NRG1: variants seen among roughly 807,000 people sequenced by gnomAD.
The protein encoded by NRG1 is pro-neuregulin-1, membrane-bound isoform.
Under a neutral mutation model 63.8 loss-of-function variants are expected in NRG1, and 18 were observed. The observed-to-expected ratio is 0.28, with a 90% CI of 0.19 to 0.42. The LOEUF is 0.42. Ranked by LOEUF, NRG1 falls within the 10% of genes least tolerant of loss-of-function variation. The probability of loss-of-function intolerance (pLI) is 1.00; values close to 1 mark genes in which losing one functional copy is unlikely to be tolerated. For missense variants in NRG1, 762 were observed against 814.7 expected (o/e 0.94, Z 0.79); for synonymous variants, 302 against 301.3 (o/e 1.00, Z -0.02).
At chr8:31,829,056 G>A (rs1000197535) in intron 1 of NRG1, among the ~76,000 whole-genome samples, 1 of 152,198 alleles carries the variant, frequency 6.6e-6, no homozygotes, top group African/African-American at 2.4e-5. Flanking sequence ...CTAGTCTCAT[G>A]CTTTCCACGT....
intron 1 of NRG1, among the ~76,000 whole-genome samples, chr8:32,028,472 G>A (rs1431663025): frequency 1.3e-5 from 2 of 152,078 alleles, no homozygotes; most frequent in Non-Finnish European, 2.9e-5. Context: ...ATTTGATTTT[G>A]GACTTAGTTT....
chr8:32,491,208 T>C (rs906327617), intron 1 of NRG1, among the ~76,000 whole-genome samples: 13 of 152,176 alleles, frequency 8.5e-5, no homozygotes, highest in African/African-American at 3.1e-4. Flanking sequence ...AGCACAATTA[T>C]TGTGGCTACT....
intron 1 of NRG1, among the ~76,000 whole-genome samples, chr8:31,931,609 CT>C (rs1329463854): frequency 6.6e-6 from 1 of 152,124 alleles, no homozygotes; most frequent in African/African-American, 2.4e-5. Context: ...TAATTATTGT[CT>C]GAAAAAATAA....
At position 32,134,993 on chromosome 8, in the gene NRG1, CAGAA is replaced by C. The variant is rs370629017; in HGVS notation, c.38-460829_38-460826del. 3.0e-3 allele frequency among the ~76,000 whole-genome samples: 463 copies of C among 152,246 alleles called. 3 individuals are homozygous for C. The highest frequency in any genetic ancestry group is 0.011 in the African/African-American group (450 of 41,546). ...AACACTTAAAGTGAGATCTGAATGA[CAGAA>C]AGAAAAGCCATGCAAAAATCAAGGA... On this transcript the variant is annotated intron_variant, in intron 1 of 10. Transcript: ENST00000519301.
At chr8:32,587,910 TTTTTGTTTTG>T (rs199766055) in intron 1 of NRG1, among the ~76,000 whole-genome samples, 14 of 135,732 alleles carry the variant, frequency 1.0e-4, no homozygotes, top group East Asian at 4.2e-4. Flanking sequence ...CATGTGGGTT[TTTTTGTTTTG>T]TTTTGTTTTG....
chr8:31,968,794 T>G (rs922795196), intron 1 of NRG1, among the ~76,000 whole-genome samples: 1 of 152,162 alleles, frequency 6.6e-6, no homozygotes, highest in African/African-American at 2.4e-5. Context: ...GATATGCCAC[T>G]TCTGCAACCA....
rs532241748 is a variant in NRG1, at chr8:32,306,739, C to T, written c.38-289089C>T. Among the ~76,000 whole-genome samples, 75 of 152,214 alleles carry T rather than the reference C, an allele frequency of 4.9e-4. No homozygotes were observed. In the South Asian group the frequency reaches 0.013, roughly 26 times the overall value. On this transcript the variant is annotated intron_variant, in intron 1 of 10. Transcript: ENST00000519301. ...GGAGAAAGGAGGAGAAAGGTTGCTC[C>T]GAATTTTGTGATCTTGTTCATTTTC...
rs1239924864 is a variant in NRG1, at chr8:32,026,922, C to A, written c.37+387491C>A. On this transcript the variant is annotated intron_variant, in intron 1 of 10. Coordinates refer to the NRG1 transcript ENST00000519301. The stretch of plus-strand genomic sequence containing the variant: ...ATCTCCTTATCTGTTCATCTTCCTT[C>A]ACTATAATTATCTTAATCCCCATTT... 3.3e-5 allele frequency among the ~76,000 whole-genome samples: 5 copies of A among 152,066 alleles called. No homozygotes were observed. In the South Asian group the frequency reaches 1.0e-3, roughly 31 times the overall value.
intron 5 of NRG1, among the ~76,000 whole-genome samples, chr8:32,706,034 CT>C (rs1264284046): frequency 6.6e-6 from 1 of 152,134 alleles, no homozygotes; most frequent in African/African-American, 2.4e-5. Flanking sequence ...GGATATTAAT[CT>C]ACTTAAGAGG....
In NRG1 at chr8:32,091,726, G is replaced by A. The variant is rs375441398; in HGVS notation, c.37+452295G>A. On this transcript the variant is annotated intron_variant, in intron 1 of 10. Transcript: ENST00000519301. ...GAGGATGGAAACGAAGAGCCAAAGG[G>A]GAGAAGGGACAGGAAGTACTGAGAT... Among the ~76,000 whole-genome samples, 16 of 152,238 alleles carry A rather than the reference G, an allele frequency of 1.1e-4. No individual in the cohort carries two copies. The East Asian group carries it at 1.4e-3, about 13-fold the overall frequency.
At chr8:32,027,786 G>T (rs1193846705) in intron 1 of NRG1, among the ~76,000 whole-genome samples, 2 of 151,948 alleles carry the variant, frequency 1.3e-5, no homozygotes, top group African/African-American at 2.4e-5. Context: ...ATGGGAGAGG[G>T]GTTTTTGTCC....
intron 1 of NRG1, among the ~76,000 whole-genome samples, chr8:32,003,809 A>G (rs749732986): frequency 3.3e-5 from 5 of 151,896 alleles, no homozygotes; most frequent in Non-Finnish European, 5.9e-5. Context: ...CAAAACATTC[A>G]AGGAGGGAAA....
intron 1 of NRG1, among the ~76,000 whole-genome samples, chr8:32,581,898 A>C (rs58937999): frequency 0.26 from 38,992 of 151,918 alleles, 5,133 homozygotes; most frequent in South Asian, 0.33. Flanking sequence ...ACTTGGATTG[A>C]ACCATCTTAC....
intron 5 of NRG1, among the ~76,000 whole-genome samples, chr8:32,706,333 T>G (rs1288039570): frequency 6.6e-6 from 1 of 152,200 alleles, no homozygotes; most frequent in Non-Finnish European, 1.5e-5. Context: ...TCATTTATTT[T>G]TCTACTGCTA....
intron 1 of NRG1, among the ~76,000 whole-genome samples, chr8:31,750,080 C>G (rs1816299668): frequency 6.6e-6 from 1 of 151,804 alleles, no homozygotes; most frequent in South Asian, 2.1e-4. Flanking sequence ...AACCTACAGC[C>G]ACAGTAGAAG....
intron 1 of NRG1, among the ~76,000 whole-genome samples, chr8:31,701,609 G>A (rs181433311): frequency 8.3e-4 from 127 of 152,218 alleles, no homozygotes; most frequent in African/African-American, 2.4e-3. Context: ...AAAGAAAGGC[G>A]AGAATGATTC....
At chr8:32,446,567 A>C (rs1173427622) in intron 1 of NRG1, among the ~76,000 whole-genome samples, 1 of 152,012 alleles carries the variant, frequency 6.6e-6, no homozygotes, top group Non-Finnish European at 1.5e-5. Context: ...AGGCACAATA[A>C]TTGCTTGAAC....
chr8:31,700,449 G>A (rs1186596456), intron 1 of NRG1, among the ~76,000 whole-genome samples: 1 of 152,120 alleles, frequency 6.6e-6, no homozygotes, highest in Non-Finnish European at 1.5e-5. Flanking sequence ...TACAGCTCCC[G>A]ATCTCATCCA....
exon 11 of NRG1, chr8:32,760,274 G>A: frequency 6.2e-7 from 1 of 1,614,094 alleles, no homozygotes; most frequent in Non-Finnish European, 8.5e-7. Flanking sequence ...GTAGAAAACA[G>A]TAGGCACAGC....
Sources: gnomAD v4.1 joint callset for allele counts (sites outside exome capture counted in the v4.1 genomes callset) on GRCh38, gnomAD v4.1.1 for gene constraint, MANE v1.5 for transcripts, NCBI Gene and HGNC (gene_info 2026-07-23, HGNC 2026-07-21) for gene names.